Variants in MVB12B observed in about 807,000 individuals in gnomAD.
MVB12B encodes ESCRT-I complex subunit MVB12B.
In MVB12B, 16 loss-of-function variants were observed where a neutral mutation model predicts 41.6. The observed-to-expected ratio is 0.38, with a 90% CI of 0.26 to 0.58. MVB12B has a LOEUF of 0.58. Ranked by LOEUF, MVB12B falls within the 20% of genes least tolerant of loss-of-function variation. MVB12B has a pLI of 0.62. For synonymous variants in MVB12B, 133 were observed against 139.7 expected (o/e 0.95, Z 0.34); for missense variants, 274 against 380.2 (o/e 0.72, Z 2.32).
rs148507741 is a variant in MVB12B at position 126,425,590 on chromosome 9, T to C, written c.757+3642T>C. Among the ~76,000 whole-genome samples the C allele has an allele frequency of 1.7e-3, 265 of 152,370 alleles. 2 individuals are homozygous for C. Among genetic ancestry groups the C allele is most frequent in the African/African-American group, 6.2e-3 (256 of 41,590 alleles). ...CCAGACCACAGATCAATAATTTTCTTATTGTCCCTTTTAGAAAATATGATT... is the reference window on the plus strand; with the variant it reads ...CCAGACCACAGATCAATAATTTTCTCATTGTCCCTTTTAGAAAATATGATT... On this transcript the variant is annotated intron_variant, in intron 7 of 9. Transcript: ENST00000361171.
chr9:126,380,334 C>G (rs1830599288), intron 2 of MVB12B, among the ~76,000 whole-genome samples: 1 of 152,220 alleles, frequency 6.6e-6, no homozygotes, highest in South Asian at 2.1e-4. Context: ...AGCCCAGCCC[C>G]AGTCTAGGTC....
intron 4 of MVB12B, among the ~76,000 whole-genome samples, chr9:126,390,201 G>T (rs1175087992): frequency 6.6e-6 from 1 of 152,238 alleles, no homozygotes; most frequent in African/African-American, 2.4e-5. Context: ...AATAATGACG[G>T]TAAGATCCCA....
intron 7 of MVB12B, among the ~76,000 whole-genome samples, chr9:126,479,631 T>A (rs2119202826): frequency 6.6e-6 from 1 of 152,290 alleles, no homozygotes; most frequent in African/African-American, 2.4e-5. Context: ...TTCCGTCAGC[T>A]CACAGCAGGT....
chr9:126,488,647 A>C (rs1381158427), intron 9 of MVB12B, among the ~76,000 whole-genome samples: 1 of 152,212 alleles, frequency 6.6e-6, no homozygotes, highest in African/African-American at 2.4e-5. Context: ...AGAGCTGAAC[A>C]GGGGTCTGAG....
intron 9 of MVB12B, among the ~76,000 whole-genome samples, chr9:126,498,557 T>G (rs1029619688): frequency 5.3e-5 from 8 of 152,106 alleles, no homozygotes; most frequent in African/African-American, 1.7e-4. Flanking sequence ...CATGCTGGAG[T>G]TGCACCCCAG....
chr9:126,506,729 C>T lies in MVB12B; in HGVS notation c.*3466C>T, dbSNP rs904624272. 6.6e-6 allele frequency: 1 copy of T among 152,376 alleles called. No homozygotes were observed. The highest frequency in any genetic ancestry group is 2.4e-5 in the African/African-American group (1 of 41,584). 9.4% of individuals were successfully genotyped at this position (152,376 alleles called of 1,614,324 possible). A position where few individuals can be genotyped will look rare whatever the true frequency, so the allele number is the denominator to read the frequency against. On this transcript the variant is annotated 3_prime_UTR_variant, in exon 10 of 10. Transcript: ENST00000361171. ...CGCAGCCTGCCTTGCCCCTGGAGGC[C>T]ACGCCAGGCGCTCACCCCTGAGCCC... is the stretch of plus-strand genomic sequence containing the variant.
chr9:126,497,535 T>A (rs1352420478), intron 9 of MVB12B, among the ~76,000 whole-genome samples: 2 of 152,012 alleles, frequency 1.3e-5, no homozygotes, highest in Non-Finnish European at 1.5e-5. Flanking sequence ...ACTACTCGGC[T>A]CCCCACTCCT....
intron 2 of MVB12B, among the ~76,000 whole-genome samples, chr9:126,366,841 G>A (rs923806947): frequency 4.6e-5 from 7 of 152,130 alleles, no homozygotes; most frequent in Non-Finnish European, 1.0e-4. Context: ...TGTGCTCTCC[G>A]TAGCACGGGG....
At chr9:126,379,698 T>G (rs1427075584) in intron 2 of MVB12B, among the ~76,000 whole-genome samples, 1 of 152,234 alleles carries the variant, frequency 6.6e-6, no homozygotes, top group African/African-American at 2.4e-5. Flanking sequence ...TTCTTTTGCC[T>G]CCTGGCCTTT....
chr9:126,395,363 C>T lies in MVB12B; in HGVS notation c.540-212C>T, dbSNP rs1267928764. ...AAGGGTGATGCAGGCGGCCTTGTCC[C>T]GAAGGCCTGCCTAGATGGAACGGGT... On this transcript the variant is annotated intron_variant, in intron 5 of 9. Coordinates refer to ENST00000361171, the MANE Select transcript of MVB12B (RefSeq NM_033446.3). This position sits in a 1 kb window ranked among gnomAD's most constrained non-coding sequence, Gnocchi z 4.9. 2.6e-5 allele frequency among the ~76,000 whole-genome samples: 4 copies of T among 152,166 alleles called. No homozygotes were observed. Among genetic ancestry groups the T allele is most frequent in the African/African-American group, 7.2e-5 (3 of 41,432 alleles).
chr9:126,472,973 T>A (rs559648989), intron 7 of MVB12B, among the ~76,000 whole-genome samples: 16 of 151,810 alleles, frequency 1.1e-4, no homozygotes, highest in Admixed American at 2.6e-4. Context: ...AAAAAAAAAA[T>A]TTAAAAACAA....
chr9:126,329,287 G>A (rs1182062153), intron 1 of MVB12B, among the ~76,000 whole-genome samples: 1 of 152,230 alleles, frequency 6.6e-6, no homozygotes, highest in Admixed American at 6.5e-5. Context: ...AAGCTAATCA[G>A]TCAAGAAGAG....
intron 7 of MVB12B, among the ~76,000 whole-genome samples, chr9:126,430,112 G>T (rs1234043566): frequency 1.3e-5 from 2 of 152,170 alleles, no homozygotes; most frequent in African/African-American, 4.8e-5. Context: ...CCTTGACCAG[G>T]CTTTTCTAGC....
intron 7 of MVB12B, among the ~76,000 whole-genome samples, chr9:126,430,950 T>C (rs907378999): frequency 1.3e-5 from 2 of 152,018 alleles, no homozygotes; most frequent in Non-Finnish European, 2.9e-5. Flanking sequence ...AGATCTAGGG[T>C]AGGTAAGAAC....
intron 2 of MVB12B, among the ~76,000 whole-genome samples, chr9:126,347,118 C>A (rs1468476695): frequency 6.6e-6 from 1 of 152,184 alleles, no homozygotes; most frequent in Non-Finnish European, 1.5e-5. Flanking sequence ...GAGAAGGAAC[C>A]AAAGAAAGGG....
At position 126,473,300 on chromosome 9, in the gene MVB12B, GC is replaced by G. The variant is rs1564343869; in HGVS notation, c.758-8063del. Reference sequence around the variant, plus strand: ...TCCCAGCCCCTCCTTCCCTGCCATAGCCCCCCATAGCCCCAGAGCAGGTTAC... The same window carrying G: ...TCCCAGCCCCTCCTTCCCTGCCATAGCCCCCATAGCCCCAGAGCAGGTTAC... On this transcript the variant is annotated intron_variant, in intron 7 of 9. Transcript: ENST00000361171. The surrounding 1 kb of genome is among the most constrained non-coding windows in gnomAD (Gnocchi z 4.0). 6.6e-6 allele frequency among the ~76,000 whole-genome samples: 1 copy of G among 152,126 alleles called. No individual in the cohort carries two copies.
chr9:126,410,888 C>A (rs181841992), intron 6 of MVB12B, among the ~76,000 whole-genome samples: 2 of 133,792 alleles, frequency 1.5e-5, no homozygotes, highest in African/African-American at 2.7e-5. Context: ...TTGGTTATTT[C>A]TTTTTTTTTT....
At chr9:126,334,195 C>T (rs10819147) in intron 1 of MVB12B, among the ~76,000 whole-genome samples, 45,124 of 152,024 alleles carry the variant, frequency 0.3, 6,787 homozygotes, top group Non-Finnish European at 0.31. Context: ...ACTGTTCACG[C>T]GCCAGGCCCT....
intron 7 of MVB12B, among the ~76,000 whole-genome samples, chr9:126,465,588 T>C (rs1833183354): frequency 2.0e-5 from 3 of 149,522 alleles, no homozygotes; most frequent in Non-Finnish European, 4.4e-5. Context: ...TGCCATTATA[T>C]GTTAGATACT....
Sources: gnomAD v4.1 joint callset for allele counts (sites outside exome capture counted in the v4.1 genomes callset) on GRCh38, gnomAD v4.1.1 for gene constraint, Gnocchi (gnomAD v3.1) non-coding constraint, MANE v1.5 for transcripts, NCBI Gene and HGNC (gene_info 2026-07-23, HGNC 2026-07-21) for gene names.